Variants in LYRM4 observed in about 807,000 individuals in gnomAD.
The protein encoded by LYRM4 is LYR motif containing 4.
Under a neutral mutation model 11.7 loss-of-function variants are expected in LYRM4, and 9 were observed. That is an observed-to-expected ratio of 0.77 (90% CI 0.46 to 1.34). The LOEUF is 1.34. Ranked by LOEUF, LYRM4 falls within the 40% of genes most tolerant of loss-of-function variation. The pLI, the probability that LYRM4 is intolerant of heterozygous loss-of-function variation, is 0.00. For missense variants in LYRM4, 133 were observed against 112.5 expected (o/e 1.18, Z -0.82); for synonymous variants, 42 against 40.4 (o/e 1.04, Z -0.15).
chr6:5,085,555 G>A, the LYRM4 span: 3 of 1,541,718 alleles, frequency 1.9e-6, no homozygotes, highest in East Asian at 7.3e-5. Flanking sequence ...GGCCCCGCCG[G>A]CCGAGGAGCT....
intron 2 of LYRM4, among the ~76,000 whole-genome samples, chr6:5,160,991 C>G (rs1212702958): frequency 6.6e-6 from 1 of 152,210 alleles, no homozygotes; most frequent in African/African-American, 2.4e-5. Flanking sequence ...CTTCAGCTTT[C>G]CTTTTCCCAC....
chr6:5,208,345 T>A (rs1291030166), intron 2 of LYRM4, among the ~76,000 whole-genome samples: 1 of 152,250 alleles, frequency 6.6e-6, no homozygotes, highest in African/African-American at 2.4e-5. Flanking sequence ...GTGCTTTCTC[T>A]GCCAGAGTTA....
chr6:5,220,342 C>T lies in LYRM4; in HGVS notation c.87-3604G>A, dbSNP rs971592930. Among the ~76,000 whole-genome samples, 3 of 152,180 alleles carry T rather than the reference C, an allele frequency of 2.0e-5. 1 individual carries two copies. Among genetic ancestry groups the T allele is most frequent in the African/African-American group, 7.2e-5 (3 of 41,440 alleles). ...CATCCAATGTGTGATGTGGAAACCACCTAATGTAATGCCTTTCATTTCTGT... is the reference window on the plus strand; with the variant it reads ...CATCCAATGTGTGATGTGGAAACCATCTAATGTAATGCCTTTCATTTCTGT... On this transcript the variant is annotated intron_variant, in intron 1 of 2. Transcript: ENST00000330636.
downstream of LYRM4, among the ~76,000 whole-genome samples, chr6:5,100,079 A>T (rs566874815): frequency 2.0e-5 from 3 of 152,320 alleles, no homozygotes; most frequent in African/African-American, 7.2e-5. Context: ...AGGACTCAGC[A>T]GGACGCGGTC....
chr6:5,081,271 T>C, the LYRM4 span, among the ~76,000 whole-genome samples: 1 of 151,984 alleles, frequency 6.6e-6, no homozygotes, highest in Non-Finnish European at 1.5e-5. Context: ...GGAGAAAGCT[T>C]AGGGGACAGT....
chr6:5,205,812 C>T (rs1008734852), intron 2 of LYRM4, among the ~76,000 whole-genome samples: 4 of 152,166 alleles, frequency 2.6e-5, no homozygotes, highest in Admixed American at 6.5e-5. Flanking sequence ...AAACCTCATT[C>T]GTAAATGAGA....
intron 1 of LYRM4, among the ~76,000 whole-genome samples, chr6:5,248,990 T>C (rs1320501741): frequency 4.6e-5 from 7 of 152,214 alleles, no homozygotes; most frequent in Admixed American, 4.6e-4. Flanking sequence ...CTAATAAATA[T>C]CTGGTTAAGT....
At chr6:5,085,769 C>A in the LYRM4 span, 2 of 1,534,282 alleles carry the variant, frequency 1.3e-6, no homozygotes, top group South Asian at 1.2e-5. Flanking sequence ...ATCTTGCAGG[C>A]GGCCAAGTTC....
chr6:5,045,116 T>G, the LYRM4 span, among the ~76,000 whole-genome samples: 1 of 152,216 alleles, frequency 6.6e-6, no homozygotes, highest in African/African-American at 2.4e-5. Context: ...ACCTCAACAT[T>G]CAGTGGCTTG....
At position 5,241,668 on chromosome 6, in the gene LYRM4, A is replaced by G. The variant is rs73719776; in HGVS notation, c.86+18980T>C. Among the ~76,000 whole-genome samples, 17 of 152,312 alleles carry G rather than the reference A, an allele frequency of 1.1e-4. 1 individual carries two copies. Among genetic ancestry groups the G allele is most frequent in the South Asian group, 4.1e-4 (2 of 4,830 alleles). The stretch of plus-strand genomic sequence containing the variant: ...TAAACTCCATGAAGGCTGAAACTTG[A>G]TAAGTTCTATTTCGCTGATGAATCT... On this transcript the variant is annotated intron_variant, in intron 1 of 2. Transcript: ENST00000330636.
At chr6:5,114,172 G>C (rs1763017768) in intron 2 of LYRM4, among the ~76,000 whole-genome samples, 1 of 152,192 alleles carries the variant, frequency 6.6e-6, no homozygotes, top group Non-Finnish European at 1.5e-5. Context: ...GTTCTGCCTG[G>C]AATATGAACT....
chr6:5,251,645 CCCATGATCCAAT>C (rs1411857608), intron 1 of LYRM4, among the ~76,000 whole-genome samples: 1 of 152,188 alleles, frequency 6.6e-6, no homozygotes, highest in Non-Finnish European at 1.5e-5. Context: ...GAAACCTGCC[CCCATGATCCAAT>C]TACTTCCCAC....
the LYRM4 span, among the ~76,000 whole-genome samples, chr6:5,082,418 C>T: frequency 6.6e-6 from 1 of 152,156 alleles, no homozygotes; most frequent in Non-Finnish European, 1.5e-5. Flanking sequence ...TTCTGGGGGT[C>T]CCTGCCCCAG....
At chr6:5,169,798 G>C (rs114986440) in intron 2 of LYRM4, among the ~76,000 whole-genome samples, 2,121 of 152,270 alleles carry the variant, frequency 0.014, 42 homozygotes, top group African/African-American at 0.046. Context: ...CTTGCATTCT[G>C]TGTCTGCTGT....
At chr6:5,209,185 C>A (rs568750680) in intron 2 of LYRM4, among the ~76,000 whole-genome samples, 15 of 152,234 alleles carry the variant, frequency 9.9e-5, no homozygotes, top group Admixed American at 3.9e-4. Flanking sequence ...CTTCCATCTC[C>A]CAGGTTTAAA....
At chr6:5,039,902 G>C in the LYRM4 span, among the ~76,000 whole-genome samples, 1 of 152,098 alleles carries the variant, frequency 6.6e-6, no homozygotes, top group Non-Finnish European at 1.5e-5. Context: ...AACAAGAATA[G>C]AAAATAGACC....
At chr6:5,247,972 G>T (rs1161745966) in intron 1 of LYRM4, among the ~76,000 whole-genome samples, 1 of 152,044 alleles carries the variant, frequency 6.6e-6, no homozygotes, top group Non-Finnish European at 1.5e-5. Flanking sequence ...AGCAGATATA[G>T]AGGGCTACAC....
the LYRM4 span, chr6:5,086,595 G>C: frequency 6.9e-7 from 1 of 1,445,780 alleles, no homozygotes; most frequent in Non-Finnish European, 9.2e-7. Context: ...GTGGGGCGGG[G>C]TTGATTAGCA....
the LYRM4 span, among the ~76,000 whole-genome samples, chr6:5,034,843 C>T: frequency 7.1e-6 from 1 of 141,150 alleles, no homozygotes; most frequent in Admixed American, 7.8e-5. Flanking sequence ...ATGTCAAGCC[C>T]TTCTCAGCTA....
Sources: gnomAD v4.1 joint callset for allele counts (sites outside exome capture counted in the v4.1 genomes callset) on GRCh38, gnomAD v4.1.1 for gene constraint, MANE v1.5 for transcripts, NCBI Gene and HGNC (gene_info 2026-07-23, HGNC 2026-07-21) for gene names.